PRR16: variants seen among roughly 807,000 people sequenced by gnomAD.
The protein encoded by PRR16 is protein Largen.
A neutral mutation model predicts 18.2 loss-of-function variants in PRR16; 6 were observed. The observed-to-expected ratio is 0.33, with a 90% CI of 0.18 to 0.65. The LOEUF is 0.65. Ranked by LOEUF, PRR16 falls within the 30% of genes least tolerant of loss-of-function variation. The pLI is 0.74. For synonymous variants in PRR16, 151 were observed against 147.8 expected (o/e 1.02, Z -0.16); for missense variants, 412 against 376.6 (o/e 1.09, Z -0.78).
chr5:120,788,912 CAT>C, the PRR16 span, among the ~76,000 whole-genome samples: 2 of 151,804 alleles, frequency 1.3e-5, no homozygotes, highest in Admixed American at 6.6e-5. Flanking sequence ...AGTTGGGTAA[CAT>C]AATGAAAATT....
intron 1 of PRR16, among the ~76,000 whole-genome samples, chr5:120,592,308 G>A (rs901803775): frequency 6.6e-6 from 1 of 152,136 alleles, no homozygotes; most frequent in African/African-American, 2.4e-5. Context: ...AGAATAAAAT[G>A]CAGAATAACT....
chr5:120,514,048 G>A (rs781152454), intron 1 of PRR16, among the ~76,000 whole-genome samples: 9 of 152,102 alleles, frequency 5.9e-5, no homozygotes, highest in Admixed American at 1.3e-4. Context: ...GTGAGCCACC[G>A]CACCTTGCCA....
intron 1 of PRR16, among the ~76,000 whole-genome samples, chr5:120,497,217 A>G (rs948533596): frequency 2.0e-5 from 3 of 151,926 alleles, no homozygotes; most frequent in Non-Finnish European, 4.4e-5. Context: ...ATTAGATTCT[A>G]TTGGCTCATG....
the PRR16 span, among the ~76,000 whole-genome samples, chr5:120,724,366 TCTC>T: frequency 2.0e-5 from 3 of 152,098 alleles, no homozygotes; most frequent in Non-Finnish European, 4.4e-5. Context: ...ATAAGTTGCT[TCTC>T]CTCTCTCTAT....
chr5:120,697,659 A>T, the PRR16 span, among the ~76,000 whole-genome samples: 1 of 152,024 alleles, frequency 6.6e-6, no homozygotes, highest in Non-Finnish European at 1.5e-5. Flanking sequence ...GCGAAGGGAG[A>T]TAAGGGTGGG....
At chr5:120,668,675 G>T (rs999498259) in intron 1 of PRR16, among the ~76,000 whole-genome samples, 2 of 152,080 alleles carry the variant, frequency 1.3e-5, no homozygotes, top group East Asian at 1.9e-4. Flanking sequence ...CTCAGCATTT[G>T]CTTGTCTGTA....
At chr5:120,703,285 T>C in the PRR16 span, among the ~76,000 whole-genome samples, 144,514 of 152,222 alleles carry the variant, frequency 0.95, 68,935 homozygotes, top group East Asian at 1. Context: ...GGTGGAATGT[T>C]ATCAGTTAAG....
chr5:120,634,947 G>A (rs1398713001), intron 1 of PRR16, among the ~76,000 whole-genome samples: 1 of 151,942 alleles, frequency 6.6e-6, no homozygotes, highest in African/African-American at 2.4e-5. Flanking sequence ...GCAGCAGATA[G>A]TATATAAATA....
the PRR16 span, among the ~76,000 whole-genome samples, chr5:120,728,104 A>G: frequency 6.6e-6 from 1 of 151,986 alleles, no homozygotes; most frequent in Admixed American, 6.6e-5. Flanking sequence ...AATTATACAT[A>G]AAGTAAATTT....
chr5:120,595,259 C>T (rs1384873938), intron 1 of PRR16, among the ~76,000 whole-genome samples: 1 of 151,822 alleles, frequency 6.6e-6, no homozygotes, highest in African/African-American at 2.4e-5. Flanking sequence ...CAAACAATCT[C>T]ATTAAAAAGT....
chr5:120,499,158 G>A (rs1056525518), intron 1 of PRR16, among the ~76,000 whole-genome samples: 6 of 151,066 alleles, frequency 4.0e-5, no homozygotes, highest in Admixed American at 3.3e-4. Context: ...TGCCCAGGCT[G>A]GAGTGCAATG....
chr5:120,541,782 A>G (rs531960865), intron 1 of PRR16, among the ~76,000 whole-genome samples: 1 of 152,292 alleles, frequency 6.6e-6, no homozygotes, highest in South Asian at 2.1e-4. Flanking sequence ...CTGGGGTCAT[A>G]CAACTTTCAG....
the PRR16 span, among the ~76,000 whole-genome samples, chr5:120,726,270 T>C: frequency 2.6e-5 from 4 of 152,160 alleles, no homozygotes; most frequent in South Asian, 2.1e-4. Context: ...ACAGCAGTAG[T>C]AATTATCTGT....
intron 1 of PRR16, among the ~76,000 whole-genome samples, chr5:120,575,215 G>A (rs566224734): frequency 1.3e-5 from 2 of 151,946 alleles, no homozygotes; most frequent in African/African-American, 4.8e-5. Context: ...GGATAAATGA[G>A]GACTGATGTA....
chr5:120,616,007 A>T (rs1754498699), intron 1 of PRR16, among the ~76,000 whole-genome samples: 1 of 152,190 alleles, frequency 6.6e-6, no homozygotes, highest in Non-Finnish European at 1.5e-5. Context: ...AGTCAATAAC[A>T]TAAGAAGCAG....
chr5:120,785,076 A>G, the PRR16 span, among the ~76,000 whole-genome samples: 3 of 152,252 alleles, frequency 2.0e-5, no homozygotes, highest in East Asian at 1.9e-4. Context: ...TGTAGGCTCA[A>G]CTGAACAATC....
At chr5:120,780,906 T>C in the PRR16 span, among the ~76,000 whole-genome samples, 2 of 151,930 alleles carry the variant, frequency 1.3e-5, no homozygotes, top group Admixed American at 6.6e-5. Context: ...AAAAATTAGT[T>C]GGGCGTGGTG....
At chr5:120,496,612 CT>C (rs1750254298) in intron 1 of PRR16, among the ~76,000 whole-genome samples, 1 of 151,454 alleles carries the variant, frequency 6.6e-6, no homozygotes, top group Non-Finnish European at 1.5e-5. Flanking sequence ...CTTTGTCGAT[CT>C]TTTTCGAGAT....
chr5:120,576,762 C>G (rs966555890), intron 1 of PRR16, among the ~76,000 whole-genome samples: 1 of 152,030 alleles, frequency 6.6e-6, no homozygotes, highest in Non-Finnish European at 1.5e-5. Flanking sequence ...GGAATTTACA[C>G]CATCAAGCTC....
Sources: gnomAD v4.1 joint callset for allele counts (sites outside exome capture counted in the v4.1 genomes callset) on GRCh38, gnomAD v4.1.1 for gene constraint, MANE v1.5 for transcripts, NCBI Gene and HGNC (gene_info 2026-07-23, HGNC 2026-07-21) for gene names.